Variants in RBM19 observed in about 807,000 individuals in gnomAD.
RBM19 encodes RNA binding motif protein 19.
A neutral mutation model predicts 116.8 loss-of-function variants in RBM19; 94 were observed. The observed-to-expected ratio is 0.80, with a 90% confidence interval of 0.68 to 0.95. RBM19 has a LOEUF of 0.95. RBM19 is among the 40% of genes least tolerant of loss of function. The pLI is 0.00. For synonymous variants in RBM19, 475 were observed against 494.1 expected (o/e 0.96, Z 0.51); for missense variants, 1,161 against 1,220.7 (o/e 0.95, Z 0.73).
At chr12:113,824,466 T>C (rs981847402) in intron 23 of RBM19, among the ~76,000 whole-genome samples, 1 of 152,204 alleles carries the variant, frequency 6.6e-6, no homozygotes, top group Non-Finnish European at 1.5e-5. Context: ...CACTTGTCGA[T>C]GAGCAGCCTT....
intron 17 of RBM19, among the ~76,000 whole-genome samples, chr12:113,926,426 AAC>A (rs954014135): frequency 1.3e-5 from 2 of 152,052 alleles, no homozygotes; most frequent in Admixed American, 6.5e-5. Flanking sequence ...TCTAGAAATA[AAC>A]AGTCTCCTGA....
chr12:113,900,625 G>GTT (rs540289408), intron 21 of RBM19, among the ~76,000 whole-genome samples: 2 of 151,978 alleles, frequency 1.3e-5, no homozygotes, highest in African/African-American at 4.8e-5. Flanking sequence ...CCTGGCTAGT[G>GTT]TTTTTTTTCC....
chr12:113,864,667 C>T (rs766421147), intron 21 of RBM19, among the ~76,000 whole-genome samples: 2 of 152,188 alleles, frequency 1.3e-5, no homozygotes, highest in Non-Finnish European at 2.9e-5. Context: ...CAAACCTATC[C>T]CTTCATCTAT....
chr12:113,837,244 A>AACACACACACACACACAC (rs1328905404), intron 23 of RBM19, among the ~76,000 whole-genome samples: 33 of 13,566 alleles, frequency 2.4e-3, no homozygotes, highest in Non-Finnish European at 4.6e-3. Flanking sequence ...CCATCCTCCT[A>AACACACACACACACACAC]ATACACACAC....
chr12:113,926,429 A>T (rs1263813533), intron 17 of RBM19, among the ~76,000 whole-genome samples: 1 of 152,110 alleles, frequency 6.6e-6, no homozygotes, highest in Non-Finnish European at 1.5e-5. Context: ...AGAAATAAAC[A>T]GTCTCCTGAG....
intron 21 of RBM19, among the ~76,000 whole-genome samples, chr12:113,913,950 C>A (rs202152507): frequency 6.6e-6 from 1 of 152,190 alleles, no homozygotes; most frequent in African/African-American, 2.4e-5. Context: ...TTACCCTGCC[C>A]ATGCCTTGGG....
At chr12:113,868,021 C>T (rs375204184) in intron 21 of RBM19, among the ~76,000 whole-genome samples, 5 of 152,302 alleles carry the variant, frequency 3.3e-5, no homozygotes, top group East Asian at 1.9e-4. Flanking sequence ...CCTGTTCCAT[C>T]GCAGGCACCT....
At chr12:113,875,286 T>C (rs1399883134) in intron 21 of RBM19, among the ~76,000 whole-genome samples, 5 of 152,238 alleles carry the variant, frequency 3.3e-5, no homozygotes, top group Non-Finnish European at 1.5e-5. Context: ...GAGCTCAGGA[T>C]GACTGGTGAG....
rs534571904 is a variant in RBM19, at chr12:113,903,539, T to G, written c.2558+11430A>C. Among the ~76,000 whole-genome samples, 3 of 152,232 alleles carry G rather than the reference T, an allele frequency of 2.0e-5. No individual in the cohort carries two copies. In the South Asian group the frequency reaches 6.2e-4, roughly 32 times the overall value. On this transcript the variant is annotated intron_variant, in intron 21 of 23. Transcript: ENST00000261741. The surrounding 1 kb of genome is among the most constrained non-coding windows in gnomAD (Gnocchi z 5.1). ...TTACTTTGTAAGAAACTGCCCACAC[T>G]TGGAATTTCCCAGAGCAGCTGTACC...
rs1490734694 is a variant in RBM19, at chr12:113,872,443, G to A, written c.2559-13547C>T. Among the ~76,000 whole-genome samples, 10 of 142,114 alleles carry A rather than the reference G, an allele frequency of 7.0e-5. No individual in the cohort carries two copies. The East Asian group carries it at 1.0e-3, about 14-fold the overall frequency. The allele number at this position is 142,114 out of a possible 152,430, so 93.2% of individuals were successfully genotyped here. On this transcript the variant is annotated intron_variant, in intron 21 of 23. Transcript: ENST00000261741. ...CAGCCGCCCCGTCTGGGAGGTGAGGGGCGCCTCTGCTCGGCCGCCCCTACT... is the reference window on the plus strand; with the variant it reads ...CAGCCGCCCCGTCTGGGAGGTGAGGAGCGCCTCTGCTCGGCCGCCCCTACT...
chr12:113,893,100 T>C (rs1477351598), intron 21 of RBM19, among the ~76,000 whole-genome samples: 13 of 151,572 alleles, frequency 8.6e-5, no homozygotes, highest in Non-Finnish European at 5.9e-5. Flanking sequence ...GGTGCAATCA[T>C]GGCTCACAGC....
chr12:113,956,173 G>GA (rs1337535350), intron 6 of RBM19, among the ~76,000 whole-genome samples: 2 of 152,104 alleles, frequency 1.3e-5, no homozygotes, highest in African/African-American at 4.8e-5. Context: ...TTTTGGGGGG[G>GA]AAGAAAAGGA....
chr12:113,897,169 T>C (rs1010681214), intron 21 of RBM19, among the ~76,000 whole-genome samples: 2 of 152,216 alleles, frequency 1.3e-5, no homozygotes, highest in Non-Finnish European at 1.5e-5. Context: ...ACAGTCAGTG[T>C]TTATTTTTTT....
intron 23 of RBM19, among the ~76,000 whole-genome samples, chr12:113,826,493 G>A (rs1019390696): frequency 2.0e-5 from 3 of 152,234 alleles, no homozygotes; most frequent in African/African-American, 7.2e-5. Context: ...GAGGCCAAGA[G>A]CAGTTGTTCA....
intron 5 of RBM19, 127 bp downstream of exon 5, chr12:113,959,084 CA>C (rs1190930747): frequency 1.1e-6 from 1 of 915,070 alleles, no homozygotes; most frequent in Non-Finnish European, 1.6e-6. Context: ...GAGGGATCAT[CA>C]CCCCCAATGG....
intron 21 of RBM19, among the ~76,000 whole-genome samples, 180 bp from the exon 22 acceptor site, chr12:113,859,076 G>A (rs79962848): frequency 1.4e-4 from 21 of 152,210 alleles, no homozygotes; most frequent in African/African-American, 4.3e-4. Context: ...TCCCAGGCCC[G>A]GGCCATCAGG....
rs531756082 is a variant in RBM19 at position 113,855,241 on chromosome 12, G to A, written c.2664+3550C>T. Among the ~76,000 whole-genome samples the A allele has an allele frequency of 2.0e-5, 3 of 152,280 alleles. No homozygotes were observed. The South Asian group carries it at 6.2e-4, about 32-fold the overall frequency. ...TTAACTCTTCTATCCTCTGTCAGCAGGCAAACGGACTGGTGGATGATGGGG... is the reference window on the plus strand; with the variant it reads ...TTAACTCTTCTATCCTCTGTCAGCAAGCAAACGGACTGGTGGATGATGGGG... On this transcript the variant is annotated intron_variant, in intron 22 of 23. Coordinates refer to ENST00000261741, the MANE Select transcript of RBM19 (RefSeq NM_016196.4).
chr12:113,949,389 T>C (rs1045405736), intron 9 of RBM19, among the ~76,000 whole-genome samples: 1 of 152,194 alleles, frequency 6.6e-6, no homozygotes, highest in African/African-American at 2.4e-5. Context: ...CCTGGGTACT[T>C]ACCTGCTGAT....
intron 21 of RBM19, among the ~76,000 whole-genome samples, chr12:113,864,372 T>A (rs12814297): frequency 0.18 from 26,682 of 152,110 alleles, 3,025 homozygotes; most frequent in East Asian, 0.47. Flanking sequence ...CCTCAGATGC[T>A]CAAGAAGACT....
Sources: gnomAD v4.1 joint callset for allele counts (sites outside exome capture counted in the v4.1 genomes callset) on GRCh38, gnomAD v4.1.1 for gene constraint, Gnocchi (gnomAD v3.1) non-coding constraint, MANE v1.5 for transcripts, NCBI Gene and HGNC (gene_info 2026-07-23, HGNC 2026-07-21) for gene names.